Variants in GREB1 observed in about 807,000 individuals in gnomAD.
The protein encoded by GREB1 is growth regulating estrogen receptor binding 1, also known as protein GREB1.
A neutral mutation model predicts 200.7 loss-of-function variants in GREB1; 106 were observed. The observed-to-expected ratio is 0.53, with a 90% CI of 0.45 to 0.62. The LOEUF is 0.62. Ranked by LOEUF, GREB1 falls within the 20% of genes least tolerant of loss-of-function variation. The pLI is 0.00. For synonymous variants in GREB1, 1,132 were observed against 1,092.4 expected (o/e 1.04, Z -0.72); for missense variants, 2,243 against 2,556.8 (o/e 0.88, Z 2.65).
At chr2:11,567,148 G>A (rs1677756981) in intron 4 of GREB1, among the ~76,000 whole-genome samples, 1 of 152,154 alleles carries the variant, frequency 6.6e-6, no homozygotes, top group Non-Finnish European at 1.5e-5. Flanking sequence ...TTTTGAGACA[G>A]AGTCTCTCTC....
At position 11,585,242 on chromosome 2, in the gene GREB1, G is replaced by T. The variant is rs1373899448; in HGVS notation, c.983G>T (p.Cys328Phe). 1 of 1,572,230 alleles carries T rather than the reference G, an allele frequency of 6.4e-7. No individual in the cohort carries two copies. The highest frequency in any genetic ancestry group is 2.3e-5 in the East Asian group (1 of 44,016). Reference protein sequence around the residue: ...PESPSAPDGGCPQGGGNRAKY... With the variant: ...PESPSAPDGGFPQGGGNRAKY... ...TCTCCATCAGCTCCAGATGGTGGCT[G>T]CCCCCAAGGTGGTGGGAACAGAGCT... The change falls in exon 8 of 33, where the codon TGC becomes TTC. Residue 328 changes from cysteine (C) to phenylalanine (F), a missense_variant. Physicochemically the swap from Cys to Phe is radical, Grantham distance 205. Transcript: ENST00000381486.
At chr2:11,639,889 A>G (rs922000555) in intron 32 of GREB1, among the ~76,000 whole-genome samples, 1 of 151,854 alleles carries the variant, frequency 6.6e-6, no homozygotes, top group African/African-American at 2.4e-5. Flanking sequence ...CACGTGGGAC[A>G]GTGGGGGCTG....
chr2:11,605,144 CTTTTT>C (rs3035991), intron 17 of GREB1, among the ~76,000 whole-genome samples: 13 of 44,822 alleles, frequency 2.9e-4, no homozygotes, highest in South Asian at 3.2e-3. Context: ...GAGCCTGCTT[CTTTTT>C]TTTTTTTTTT....
intron 6 of GREB1, among the ~76,000 whole-genome samples, chr2:11,579,713 C>T (rs1014603373): frequency 1.3e-5 from 2 of 152,210 alleles, no homozygotes. Flanking sequence ...TTCAGTGCTA[C>T]TCCTGACCCG....
chr2:11,515,928 A>G (rs996873080), intron 1 of GREB1, among the ~76,000 whole-genome samples: 6 of 152,220 alleles, frequency 3.9e-5, no homozygotes, highest in African/African-American at 1.4e-4. Flanking sequence ...AGATTTAGCC[A>G]GGCAAGACAG....
Position 11,556,640 on chromosome 2 carries a change from T to G in GREB1, c.26T>G (p.Leu9Arg). Residue 9 changes from leucine to arginine, a missense_variant, in exon 2 of 33, where the codon CTG becomes CGG. By Grantham distance (102) the Leu-to-Arg change is moderately radical (BLOSUM62 -2). Coordinates refer to ENST00000381486, the MANE Select transcript of GREB1 (RefSeq NM_014668.4). ...ATGGGAAATTCTTACGCTGGACAGC[T>G]GAAGACGACACGCTTTGAAGAGGTC... is the stretch of plus-strand genomic sequence containing the variant. MGNSYAGQ[L>R]KTTRFEEVLH... 1.2e-6 allele frequency: 2 copies of G among 1,613,280 alleles called. No homozygotes were observed. Among genetic ancestry groups the G allele is most frequent in the Non-Finnish European group, 1.7e-6 (2 of 1,179,596 alleles).
chr2:11,590,204 A>G lies in GREB1; in HGVS notation c.1345+1273A>G, dbSNP rs115187308. 9.3e-3 allele frequency among the ~76,000 whole-genome samples: 1,421 copies of G among 152,170 alleles called. 21 individuals carry two copies. The highest frequency in any genetic ancestry group is 0.033 in the African/African-American group (1,350 of 41,514). The stretch of plus-strand genomic sequence containing the variant: ...TCTTTCTCATAGTCCCCACCTGTCC[A>G]TCAGTAAGCACGGCTTCATCCTGAA... On this transcript the variant is annotated intron_variant, in intron 10 of 32. Coordinates refer to ENST00000381486, the MANE Select transcript of GREB1 (RefSeq NM_014668.4).
At chr2:11,572,240 G>A (rs1000859022) in intron 4 of GREB1, among the ~76,000 whole-genome samples, 1 of 152,216 alleles carries the variant, frequency 6.6e-6, no homozygotes, top group African/African-American at 2.4e-5. Flanking sequence ...ATCAGGCCTG[G>A]GGGACAGGTC....
At chr2:11,495,052 C>G (rs1021990491) in intron 1 of GREB1, among the ~76,000 whole-genome samples, 16 of 152,196 alleles carry the variant, frequency 1.1e-4, no homozygotes, top group African/African-American at 3.6e-4. Flanking sequence ...AGGGTCTCCC[C>G]CGCTTGCCCC....
At chr2:11,495,975 A>C (rs1188836723) in intron 1 of GREB1, among the ~76,000 whole-genome samples, 1 of 151,974 alleles carries the variant, frequency 6.6e-6, no homozygotes, top group Non-Finnish European at 1.5e-5. Context: ...GGTGAGGATA[A>C]CCAGACTGGG....
rs1684922539 is a variant in GREB1, at chr2:11,632,116, G to A, written c.4816+3G>A. On this transcript the variant is annotated splice_donor_region_variant and intron_variant, in intron 27 of 32. Coordinates refer to ENST00000381486, the MANE Select transcript of GREB1 (RefSeq NM_014668.4). ...TATCTTCAACAGTGCTGGAGTTGGT[G>A]AGTGTCCTTTAACATCATCTACTCA... is the stretch of plus-strand genomic sequence containing the variant. 6.2e-7 allele frequency: 1 copy of A among 1,606,778 alleles called. No homozygotes were observed. The highest frequency in any genetic ancestry group is 1.3e-5 in the African/African-American group (1 of 74,746).
At chr2:11,562,775 A>G in intron 3 of GREB1, 193 bp downstream of exon 3, 1 of 498,960 alleles carries the variant, frequency 2.0e-6, no homozygotes, top group South Asian at 3.2e-5. Context: ...CTGAAACAGG[A>G]GCTCCAGAGA....
intron 18 of GREB1, 173 bp from the exon 19 acceptor site, chr2:11,612,322 T>C: frequency 7.4e-6 from 10 of 1,345,346 alleles, no homozygotes; most frequent in Non-Finnish European, 9.6e-6. Flanking sequence ...CGACTGAAAA[T>C]ACGGTGGCCA....
At chr2:11,635,795 G>A (rs1237713832) in intron 30 of GREB1, among the ~76,000 whole-genome samples, 2 of 152,204 alleles carry the variant, frequency 1.3e-5, no homozygotes, top group African/African-American at 4.8e-5. Flanking sequence ...TGTCCACTGG[G>A]CAGCCTCGGG....
chr2:11,640,249 C>T lies in GREB1; in HGVS notation c.5687-42C>T. The T allele has an allele frequency of 3.8e-6, 6 of 1,580,136 alleles. No individual in the cohort carries two copies. Among genetic ancestry groups the T allele is most frequent in the Non-Finnish European group, 5.2e-6 (6 of 1,161,936 alleles). The stretch of plus-strand genomic sequence containing the variant: ...GGGCAGCCGCTTTCCTCTGGATAAA[C>T]TCACCTTTTCCCTTCCCACACCTCT... On this transcript the variant is annotated intron_variant, in intron 32 of 32. Transcript: ENST00000381486. This position sits in a 1 kb window ranked among gnomAD's most constrained non-coding sequence, Gnocchi z 4.6.
chr2:11,585,308 C>A, intron 8 of GREB1, 34 bp downstream of exon 8: 1 of 1,325,078 alleles, frequency 7.5e-7, no homozygotes, highest in Non-Finnish European at 1.0e-6. Flanking sequence ...GAATTCCAGA[C>A]TTGGGTACTG....
rs897070484 is a variant in GREB1 at position 11,486,629 on chromosome 2, A to G, written c.-159+4248A>G. 3.9e-4 allele frequency among the ~76,000 whole-genome samples: 60 copies of G among 152,156 alleles called. 1 individual carries two copies. The highest frequency in any genetic ancestry group is 1.4e-3 in the African/African-American group (59 of 41,430). On this transcript the variant is annotated intron_variant, in intron 1 of 2. Coordinates refer to the GREB1 transcript ENST00000628795. Reference sequence around the variant, plus strand: ...ACGCCTATAATCCCAGCACTTTGGGAGGCTGAGGCGGGTGGGTCACCTGAG... The same window carrying G: ...ACGCCTATAATCCCAGCACTTTGGGGGGCTGAGGCGGGTGGGTCACCTGAG...
In GREB1 at chr2:11,633,549, G is replaced by A. The variant is rs1685060587; in HGVS notation, c.4991+486G>A. Reference sequence around the variant, plus strand: ...ACTGCACTCCAGCCTGGCAGACAGAGCGAGACTCCGTCTAAAAAAAAAAAA... The same window carrying A: ...ACTGCACTCCAGCCTGGCAGACAGAACGAGACTCCGTCTAAAAAAAAAAAA... On this transcript the variant is annotated intron_variant, in intron 28 of 32. Transcript: ENST00000381486. This position sits in a 1 kb window ranked among gnomAD's most constrained non-coding sequence, Gnocchi z 4.1. Among the ~76,000 whole-genome samples, 1 of 149,424 alleles carries A rather than the reference G, an allele frequency of 6.7e-6. No homozygotes were observed. The highest frequency in any genetic ancestry group is 1.5e-5 in the Non-Finnish European group (1 of 67,486).
At chr2:11,527,125 G>A (rs1473855160) in intron 1 of GREB1, among the ~76,000 whole-genome samples, 1 of 152,116 alleles carries the variant, frequency 6.6e-6, no homozygotes, top group East Asian at 1.9e-4. Context: ...GGACAGCAGA[G>A]CCATGTAGTG....
Sources: allele counts gnomAD v4.1 joint callset (sites outside exome capture counted in the v4.1 genomes callset), GRCh38; gene constraint gnomAD v4.1.1; non-coding constraint Gnocchi (gnomAD v3.1); transcripts MANE v1.5; gene names NCBI Gene and HGNC (gene_info 2026-07-23, HGNC 2026-07-21).